Variants in GRID1 observed in about 807,000 individuals in gnomAD.
GRID1 encodes the protein glutamate ionotropic receptor delta type subunit 1.
GRID1 carries 28 observed loss-of-function variants against 98.0 expected under a neutral mutation model. The observed-to-expected ratio is 0.29, with a 90% CI of 0.21 to 0.39. The LOEUF (loss-of-function observed/expected upper bound fraction) is 0.39, where lower values mean the gene tolerates loss of function less well. Ranked by LOEUF, GRID1 falls within the 10% of genes least tolerant of loss-of-function variation. The probability of loss-of-function intolerance (pLI) is 1.00; values close to 1 mark genes in which losing one functional copy is unlikely to be tolerated. For missense variants in GRID1, 1,111 were observed against 1,340.5 expected (o/e 0.83, Z 2.67); for synonymous variants, 553 against 538.5 (o/e 1.03, Z -0.37).
chr10:86,313,342 G>A (rs1033782693), intron 2 of GRID1, among the ~76,000 whole-genome samples: 3 of 152,228 alleles, frequency 2.0e-5, no homozygotes, highest in African/African-American at 7.2e-5. Context: ...GATGTTGACA[G>A]ATAAGGATAC....
chr10:86,242,723 C>T (rs914546525), intron 2 of GRID1, among the ~76,000 whole-genome samples: 9 of 152,230 alleles, frequency 5.9e-5, no homozygotes, highest in African/African-American at 1.4e-4. Flanking sequence ...TCTTCACACC[C>T]TACTCCCAAG....
At chr10:85,654,747 G>T (rs1175153152) in intron 12 of GRID1, among the ~76,000 whole-genome samples, 1 of 152,194 alleles carries the variant, frequency 6.6e-6, no homozygotes, top group Non-Finnish European at 1.5e-5. Context: ...GGCACTCAGG[G>T]CCCATCAGTA....
chr10:85,737,894 T>G (rs1174897669), intron 8 of GRID1, among the ~76,000 whole-genome samples: 1 of 151,652 alleles, frequency 6.6e-6, no homozygotes, highest in Non-Finnish European at 1.5e-5. Flanking sequence ...ATGCAAGAAG[T>G]GTTTCTGCTC....
intron 12 of GRID1, among the ~76,000 whole-genome samples, chr10:85,712,443 A>G (rs1841592795): frequency 6.6e-6 from 1 of 151,872 alleles, no homozygotes; most frequent in Admixed American, 6.6e-5. Context: ...TTTTGACAAA[A>G]CTGAAGGGAG....
intron 8 of GRID1, among the ~76,000 whole-genome samples, chr10:85,766,970 G>A (rs1418251526): frequency 6.6e-6 from 1 of 152,060 alleles, no homozygotes; most frequent in African/African-American, 2.4e-5. Context: ...TAACTAGAGG[G>A]GAAGAGCCTT....
intron 4 of GRID1, among the ~76,000 whole-genome samples, chr10:86,067,494 T>G (rs987352219): frequency 6.6e-6 from 1 of 152,248 alleles, no homozygotes; most frequent in Non-Finnish European, 1.5e-5. Flanking sequence ...TATTTGGGAA[T>G]GTAGTTAAAA....
chr10:86,208,072 G>T (rs984825344), intron 2 of GRID1, among the ~76,000 whole-genome samples: 2 of 152,166 alleles, frequency 1.3e-5, no homozygotes, highest in Admixed American at 1.3e-4. Flanking sequence ...GGCTGGGAGA[G>T]AGAGAGAAGA....
intron 3 of GRID1, among the ~76,000 whole-genome samples, chr10:86,197,325 C>G (rs1257416721): frequency 1.3e-5 from 2 of 152,088 alleles, no homozygotes; most frequent in Non-Finnish European, 2.9e-5. Context: ...GCCGGGCACG[C>G]TCATGGAGCA....
intron 4 of GRID1, among the ~76,000 whole-genome samples, chr10:86,074,553 T>A (rs1430238468): frequency 3.3e-5 from 5 of 152,236 alleles, no homozygotes; most frequent in African/African-American, 1.2e-4. Context: ...TTATGGCTGA[T>A]TAATAGTCCA....
Position 86,366,122 on chromosome 10 carries a change from G to A in GRID1, c.79+192C>T, listed in dbSNP as rs914781321. Among the ~76,000 whole-genome samples the A allele has an allele frequency of 1.3e-5, 2 of 151,906 alleles. No homozygotes were observed. The highest frequency in any genetic ancestry group is 2.9e-5 in the Non-Finnish European group (2 of 67,934). ...CGCGCGGAGATCGGAGCCCCGGGGA[G>A]CGGCAAGCAGCCAGCGGGAGCGCGG... On this transcript the variant is annotated intron_variant, in intron 1 of 15. Coordinates refer to ENST00000327946, the MANE Select transcript of GRID1 (RefSeq NM_017551.3). The surrounding 1 kb of genome is among the most constrained non-coding windows in gnomAD (Gnocchi z 4.1).
intron 3 of GRID1, among the ~76,000 whole-genome samples, chr10:86,161,812 G>A (rs1029285612): frequency 3.3e-5 from 5 of 152,150 alleles, no homozygotes; most frequent in African/African-American, 4.8e-5. Context: ...TGAAATGGCC[G>A]GAGGTGGAGG....
chr10:85,754,995 A>C (rs1475435901), intron 8 of GRID1, among the ~76,000 whole-genome samples: 1 of 152,174 alleles, frequency 6.6e-6, no homozygotes, highest in African/African-American at 2.4e-5. Context: ...GAATCAGCCT[A>C]GTCTTTCTGG....
chr10:85,904,351 T>C (rs1431112534), intron 5 of GRID1, among the ~76,000 whole-genome samples: 1 of 152,162 alleles, frequency 6.6e-6, no homozygotes, highest in Non-Finnish European at 1.5e-5. Flanking sequence ...TCTCTGCCTT[T>C]AGAGAATTTC....
At chr10:85,881,149 C>T (rs960479911) in intron 5 of GRID1, among the ~76,000 whole-genome samples, 1 of 152,296 alleles carries the variant, frequency 6.6e-6, no homozygotes, top group East Asian at 1.9e-4. Context: ...GAAGAACATT[C>T]CATGCTCATG....
At position 86,192,712 on chromosome 10, in the gene GRID1, C is replaced by A. The variant is rs1845822981; in HGVS notation, c.520+13652G>T. 6.6e-6 allele frequency among the ~76,000 whole-genome samples: 1 copy of A among 151,900 alleles called. No homozygotes were observed. The highest frequency in any genetic ancestry group is 2.1e-4 in the South Asian group (1 of 4,808). ...GTATATATATTTTTCCACAATAAAACAAAAAACTACAAAAGTAAAGTAGGA... is the reference window on the plus strand; with the variant it reads ...GTATATATATTTTTCCACAATAAAAAAAAAAACTACAAAAGTAAAGTAGGA... On this transcript the variant is annotated intron_variant, in intron 3 of 15. Transcript: ENST00000327946. This position sits in a 1 kb window ranked among gnomAD's most constrained non-coding sequence, Gnocchi z 4.8.
At chr10:86,139,887 A>T (rs1327925724) in intron 3 of GRID1, among the ~76,000 whole-genome samples, 2 of 151,484 alleles carry the variant, frequency 1.3e-5, no homozygotes, top group African/African-American at 4.8e-5. Flanking sequence ...TGAGGGTGCT[A>T]AAGTTTTTTC....
chr10:85,877,638 G>C (rs551703377), intron 5 of GRID1, among the ~76,000 whole-genome samples: 33 of 152,208 alleles, frequency 2.2e-4, no homozygotes, highest in African/African-American at 7.9e-4. Context: ...CATCATCAAA[G>C]ACCAAAAGTA....
chr10:86,089,423 C>A (rs559285149), intron 4 of GRID1, among the ~76,000 whole-genome samples: 1 of 152,204 alleles, frequency 6.6e-6, no homozygotes, highest in Non-Finnish European at 1.5e-5. Context: ...AGACAGCAAC[C>A]CCCTCACCAG....
chr10:85,878,226 T>C (rs1209964018), intron 5 of GRID1, among the ~76,000 whole-genome samples: 2 of 152,024 alleles, frequency 1.3e-5, no homozygotes, highest in Admixed American at 6.6e-5. Context: ...ACTTCCCCAA[T>C]ATAGCAAGGC....
Sources: allele counts gnomAD v4.1 joint callset (sites outside exome capture counted in the v4.1 genomes callset), GRCh38; gene constraint gnomAD v4.1.1; non-coding constraint Gnocchi (gnomAD v3.1); transcripts MANE v1.5; gene names NCBI Gene and HGNC (gene_info 2026-07-23, HGNC 2026-07-21).